Variants in GCN1 observed in about 807,000 individuals in gnomAD.
The protein encoded by GCN1 is GCN1 activator of EIF2AK4.
In GCN1, 90 loss-of-function variants were observed where a neutral mutation model predicts 288.4. That is an observed-to-expected ratio of 0.31 (90% CI 0.26 to 0.37). GCN1 has a LOEUF of 0.37. Among genes scored for constraint, GCN1 ranks in the 10% least tolerant of loss-of-function variants. The pLI, the probability that GCN1 is intolerant of heterozygous loss-of-function variation, is 1.00. For synonymous variants in GCN1, 1,386 were observed against 1,420.2 expected, an observed-to-expected ratio of 0.98 and a Z score of 0.54; for missense variants, 2,586 against 3,419.9, an observed-to-expected ratio of 0.76 and a Z score of 6.08.
At chr12:120,189,222 G>A (rs1192547871) in intron 2 of GCN1, among the ~76,000 whole-genome samples, 1 of 150,224 alleles carries the variant, frequency 6.7e-6, no homozygotes, top group African/African-American at 2.5e-5. Context: ...ACAGGCGTGC[G>A]TCACCATGCT....
In GCN1 at chr12:120,153,144, C is replaced by CA; in HGVS notation, c.4062+68dup. On this transcript the variant is annotated intron_variant, in intron 33 of 57. Coordinates refer to ENST00000300648, the MANE Select transcript of GCN1 (RefSeq NM_006836.2). This position sits in a 1 kb window ranked among gnomAD's most constrained non-coding sequence, Gnocchi z 4.4. ...TTGTCCAACTCCACCCCTAGTATCC[C>CA]ACCGCCTAACCACAGCCGGGTCCCA... is the stretch of plus-strand genomic sequence containing the variant. 7.3e-7 allele frequency: 1 copy of CA among 1,369,870 alleles called. No homozygotes were observed. Among genetic ancestry groups the CA allele is most frequent in the Non-Finnish European group, 1.0e-6 (1 of 975,484 alleles). 84.9% of individuals were successfully genotyped at this position (1,369,870 alleles called of 1,614,324 possible). A position where few individuals can be genotyped will look rare whatever the true frequency, so the allele number is the denominator to read the frequency against.
chr12:120,184,282 CT>C, intron 3 of GCN1, 39 bp from the exon 4 acceptor site: 1 of 1,587,770 alleles, frequency 6.3e-7, no homozygotes, highest in Middle Eastern at 1.7e-4. Context: ...ACATGCAGAC[CT>C]CAGGCAGAGG....
At chr12:120,168,869 C>T (rs1389070851) in intron 15 of GCN1, among the ~76,000 whole-genome samples, 1 of 152,198 alleles carries the variant, frequency 6.6e-6, no homozygotes, top group African/African-American at 2.4e-5. Context: ...TTCATCTTAG[C>T]ATTCCCCCAG....
Position 120,153,985 on chromosome 12 carries a change from C to T in GCN1, c.3702-76G>A, listed in dbSNP as rs969013154. On this transcript the variant is annotated intron_variant, in intron 31 of 57. Coordinates refer to ENST00000300648, the MANE Select transcript of GCN1 (RefSeq NM_006836.2). This position sits in a 1 kb window ranked among gnomAD's most constrained non-coding sequence, Gnocchi z 4.4. ...TGCCAGTGGAACCTCTGCTGGTGCACGGCAAGGAGAGGGAGCTTGCCTGAG... is the reference window on the plus strand; with the variant it reads ...TGCCAGTGGAACCTCTGCTGGTGCATGGCAAGGAGAGGGAGCTTGCCTGAG... 21 of 1,307,454 alleles carry T rather than the reference C, an allele frequency of 1.6e-5. No individual in the cohort carries two copies. The highest frequency in any genetic ancestry group is 6.0e-5 in the Admixed American group (3 of 49,972). The allele number at this position is 1,307,454 out of a possible 1,614,324, so 81.0% of individuals were successfully genotyped here.
rs374976302 is a variant in GCN1 at position 120,179,000 on chromosome 12, G to A, written c.427-50C>T. 1.6e-4 allele frequency: 241 copies of A among 1,477,868 alleles called. 3 individuals are homozygous for A. Among genetic ancestry groups the A allele is most frequent in the South Asian group, 8.6e-4 (74 of 86,144 alleles). 91.5% of individuals were successfully genotyped at this position (1,477,868 alleles called of 1,614,324 possible). A position where few individuals can be genotyped will look rare whatever the true frequency, so the allele number is the denominator to read the frequency against. On this transcript the variant is annotated intron_variant, in intron 5 of 57. Transcript: ENST00000300648. ...GTCAAGGTGGGACATGAGACTGAGG[G>A]TCCCATGGCTCTCATAGCCTGTAAA...
intron 54 of GCN1, 109 bp downstream of exon 54, chr12:120,131,817 C>A: frequency 1.4e-6 from 1 of 721,078 alleles, no homozygotes; most frequent in Non-Finnish European, 2.5e-6. Context: ...AAGGAAAGGA[C>A]AGTCCAGTTG....
chr12:120,173,429 A>G (rs901939263), intron 14 of GCN1, among the ~76,000 whole-genome samples: 1 of 152,234 alleles, frequency 6.6e-6, no homozygotes, highest in African/African-American at 2.4e-5. Flanking sequence ...CTCTCTGAAT[A>G]AAGCTTTGTA....
chr12:120,187,420 T>G (rs1878855360), intron 2 of GCN1, among the ~76,000 whole-genome samples: 1 of 152,118 alleles, frequency 6.6e-6, no homozygotes, highest in South Asian at 2.1e-4. Flanking sequence ...TTCACCATGT[T>G]GGCCAGGCTG....
At chr12:120,169,604 A>T (rs778080961) in intron 15 of GCN1, among the ~76,000 whole-genome samples, 15 of 152,122 alleles carry the variant, frequency 9.9e-5, no homozygotes, top group South Asian at 6.2e-4. Flanking sequence ...CCTGGGTTCA[A>T]GCGATTCTCC....
rs763864690 is a variant in GCN1 at position 120,134,431 on chromosome 12, G to A, written c.7203-26C>T. The A allele has an allele frequency of 1.9e-6, 3 of 1,591,510 alleles. No homozygotes were observed. The South Asian group carries it at 3.3e-5, about 18-fold the overall frequency. On this transcript the variant is annotated intron_variant, in intron 52 of 57. Transcript: ENST00000300648. This position sits in a 1 kb window ranked among gnomAD's most constrained non-coding sequence, Gnocchi z 5.0. ...CTGCAGAAGCAATGCACCGCCTTAA[G>A]CCCTGGGTGCCTCCACCACCACCCC...
chr12:120,173,001 T>C (rs987821665), intron 14 of GCN1, among the ~76,000 whole-genome samples: 48 of 152,068 alleles, frequency 3.2e-4, no homozygotes, highest in African/African-American at 1.1e-3. Context: ...AGGGCGGTGG[T>C]CATTTTTAAT....
At position 120,149,903 on chromosome 12, in the gene GCN1, G is replaced by T; in HGVS notation, c.4431+19C>A. On this transcript the variant is annotated intron_variant, in intron 35 of 57. Coordinates refer to ENST00000300648, the MANE Select transcript of GCN1 (RefSeq NM_006836.2). ...CATAAAGTTTCCATGCTGTTCTCCC[G>T]AGCAGTCCGGGGACTTACCTCACGC... 1 of 1,613,916 alleles carries T rather than the reference G, an allele frequency of 6.2e-7. No homozygotes were observed. The highest frequency in any genetic ancestry group is 1.1e-5 in the South Asian group (1 of 91,016).
Position 120,161,013 on chromosome 12 carries a change from C to T in GCN1, c.2436+477G>A, listed in dbSNP as rs184201461. The stretch of plus-strand genomic sequence containing the variant: ...GATGAGAAAGACAAGAAGAATCCTG[C>T]CTTGTAAAGACAGAGAGAAGAGCAA... On this transcript the variant is annotated intron_variant, in intron 22 of 57. Transcript: ENST00000300648. Among the ~76,000 whole-genome samples, 126 of 152,230 alleles carry T rather than the reference C, an allele frequency of 8.3e-4. 1 individual carries two copies. Among genetic ancestry groups the T allele is most frequent in the South Asian group, 1.2e-3 (6 of 4,824 alleles).
chr12:120,153,416 C>G lies in GCN1; in HGVS notation c.3868-9G>C. 1 of 1,612,902 alleles carries G rather than the reference C, an allele frequency of 6.2e-7. No individual in the cohort carries two copies. The highest frequency in any genetic ancestry group is 8.5e-7 in the Non-Finnish European group (1 of 1,179,474). ...AGCGAGTTGACGTTCTCCTGGAAAG[C>G]CAAACCCCTCAGAGCCTCAGGTCAA... On this transcript the variant is annotated splice_polypyrimidine_tract_variant and intron_variant, in intron 32 of 57. Coordinates refer to ENST00000300648, the MANE Select transcript of GCN1 (RefSeq NM_006836.2). This position sits in a 1 kb window ranked among gnomAD's most constrained non-coding sequence, Gnocchi z 4.4.
At position 120,131,350 on chromosome 12, in the gene GCN1, G is replaced by A. The variant is rs753038115; in HGVS notation, c.7415-17C>T. 4.3e-5 allele frequency: 70 copies of A among 1,612,688 alleles called. 1 individual carries two copies. Among genetic ancestry groups the A allele is most frequent in the South Asian group, 2.1e-4 (19 of 91,010 alleles). The stretch of plus-strand genomic sequence containing the variant: ...ACACGTCCGCTGGGTGGAAGGACAC[G>A]ACTGGGATCAACCGGTATTTTACAG... On this transcript the variant is annotated splice_polypyrimidine_tract_variant and intron_variant, in intron 54 of 57. Transcript: ENST00000300648.
chr12:120,137,534 A>G lies in GCN1; in HGVS notation c.6663+11T>C. ...AGCAAAAGTTGGCTGTGGGGTCAGC[A>G]GTCCCCTCACCTTAGTGATGGCATT... On this transcript the variant is annotated intron_variant, in intron 49 of 57. Transcript: ENST00000300648. This position sits in a 1 kb window ranked among gnomAD's most constrained non-coding sequence, Gnocchi z 5.2. 1.2e-6 allele frequency: 2 copies of G among 1,610,720 alleles called. No individual in the cohort carries two copies. Among genetic ancestry groups the G allele is most frequent in the Non-Finnish European group, 1.7e-6 (2 of 1,177,140 alleles).
At chr12:120,166,092 C>T (rs573335274) in intron 16 of GCN1, among the ~76,000 whole-genome samples, 129 of 150,786 alleles carry the variant, frequency 8.6e-4, no homozygotes, top group African/African-American at 2.9e-3. Context: ...CCGGCCCCAG[C>T]CTATTTTTTT....
chr12:120,154,604 A>G (rs758278314), intron 31 of GCN1, among the ~76,000 whole-genome samples: 52 of 152,254 alleles, frequency 3.4e-4, no homozygotes, highest in African/African-American at 1.1e-3. Flanking sequence ...ATGAGGAAAC[A>G]GAGGCCTGGG....
intron 53 of GCN1, among the ~76,000 whole-genome samples, chr12:120,132,767 C>T (rs1373758090): frequency 3.3e-5 from 5 of 152,156 alleles, no homozygotes; most frequent in African/African-American, 1.2e-4. Flanking sequence ...CAAAACAAAC[C>T]ACCAACCAGG....
Sources: gnomAD v4.1 joint callset for allele counts (sites outside exome capture counted in the v4.1 genomes callset) on GRCh38, gnomAD v4.1.1 for gene constraint, Gnocchi (gnomAD v3.1) non-coding constraint, MANE v1.5 for transcripts, NCBI Gene and HGNC (gene_info 2026-07-23, HGNC 2026-07-21) for gene names.